Variants in TSPAN15 observed in about 807,000 individuals in gnomAD.
The protein encoded by TSPAN15 is tetraspanin 15.
TSPAN15 carries 20 observed loss-of-function variants against 34.5 expected under a neutral mutation model. The ratio of observed to expected loss-of-function variants is 0.58; its 90% CI spans 0.41 to 0.84. The LOEUF is 0.84. Among genes scored for constraint, TSPAN15 ranks in the 40% least tolerant of loss-of-function variants. TSPAN15 has a pLI of 0.00. For missense variants in TSPAN15, 313 were observed against 386.1 expected, an observed-to-expected ratio of 0.81 and a Z score of 1.59; for synonymous variants, 155 against 153.9, an observed-to-expected ratio of 1.01 and a Z score of -0.05.
At chr10:69,462,529 G>GT (rs1322266967) in intron 1 of TSPAN15, among the ~76,000 whole-genome samples, 1 of 151,202 alleles carries the variant, frequency 6.6e-6, no homozygotes, top group African/African-American at 2.4e-5. Context: ...TAGAGACAGG[G>GT]TTTCACCATG....
Position 69,507,352 on chromosome 10 carries a change from G to T in TSPAN15, c.*374G>T. ...GCAGTTTTGTAGCACCTGTAATTGG[G>T]GAGAGGGAGTGTGCCCCTCGGGGCA... On this transcript the variant is annotated 3_prime_UTR_variant, in exon 8 of 8. Transcript: ENST00000373290. 8.3e-7 allele frequency: 1 copy of T among 1,212,098 alleles called. No homozygotes were observed. 75.1% of individuals were successfully genotyped at this position (1,212,098 alleles called of 1,614,324 possible). A position where few individuals can be genotyped will look rare whatever the true frequency, so the allele number is the denominator to read the frequency against.
chr10:69,492,884 G>C (rs1841997947), intron 3 of TSPAN15, among the ~76,000 whole-genome samples: 2 of 152,208 alleles, frequency 1.3e-5, no homozygotes, highest in South Asian at 4.1e-4. Context: ...GAGGGACATG[G>C]TGGGCCAGGA....
chr10:69,523,137 T>C, the TSPAN15 span, among the ~76,000 whole-genome samples: 1 of 148,196 alleles, frequency 6.7e-6, no homozygotes, highest in African/African-American at 2.5e-5. Context: ...TCTTTGCATG[T>C]GGATATCCAG....
At chr10:69,538,102 A>G in the TSPAN15 span, among the ~76,000 whole-genome samples, 1 of 152,134 alleles carries the variant, frequency 6.6e-6, no homozygotes, top group South Asian at 2.1e-4. Flanking sequence ...CCCCACCTTC[A>G]TGACCTCATC....
chr10:69,470,356 A>G (rs17569363), intron 1 of TSPAN15, among the ~76,000 whole-genome samples: 58,678 of 152,148 alleles, frequency 0.39, 12,017 homozygotes, highest in Non-Finnish European at 0.45. Context: ...TGATGAACAC[A>G]TAGGCTGATG....
chr10:69,457,322 T>C (rs1841134357), intron 1 of TSPAN15, among the ~76,000 whole-genome samples: 1 of 152,138 alleles, frequency 6.6e-6, no homozygotes, highest in African/African-American at 2.4e-5. Flanking sequence ...AGGATCCAGC[T>C]TGGGGCAGAG....
Position 69,506,308 on chromosome 10 carries a change from G to A in TSPAN15, c.735+68G>A. On this transcript the variant is annotated intron_variant, in intron 7 of 7. Coordinates refer to ENST00000373290, the MANE Select transcript of TSPAN15 (RefSeq NM_012339.5). This position sits in a 1 kb window ranked among gnomAD's most constrained non-coding sequence, Gnocchi z 4.7. Reference sequence around the variant, plus strand: ...GCAGAAGGGCAGAGAAGGTGCAGAGGGGAAGAGCGAAGAGGCTTTTTTCAT... The same window carrying A: ...GCAGAAGGGCAGAGAAGGTGCAGAGAGGAAGAGCGAAGAGGCTTTTTTCAT... The A allele has an allele frequency of 2.7e-6, 4 of 1,486,392 alleles. No homozygotes were observed. The highest frequency in any genetic ancestry group is 3.7e-6 in the Non-Finnish European group (4 of 1,067,922). 92.1% of individuals were successfully genotyped at this position (1,486,392 alleles called of 1,614,324 possible). A position where few individuals can be genotyped will look rare whatever the true frequency, so the allele number is the denominator to read the frequency against.
chr10:69,476,041 A>G (rs1401972490), intron 1 of TSPAN15, among the ~76,000 whole-genome samples: 1 of 152,174 alleles, frequency 6.6e-6, no homozygotes, highest in Non-Finnish European at 1.5e-5. Context: ...ATTTCTCCCC[A>G]AACGGATCTA....
chr10:69,540,110 C>T, the TSPAN15 span, among the ~76,000 whole-genome samples: 6 of 152,090 alleles, frequency 3.9e-5, no homozygotes, highest in East Asian at 2.0e-4. Context: ...AGGCTGGTCT[C>T]GAACTCCTGA....
intron 1 of TSPAN15, among the ~76,000 whole-genome samples, chr10:69,475,595 C>G (rs1841598515): frequency 2.0e-5 from 3 of 152,220 alleles, no homozygotes; most frequent in Admixed American, 6.5e-5. Flanking sequence ...AAATTCCACT[C>G]TCTGCCCTGG....
intron 3 of TSPAN15, among the ~76,000 whole-genome samples, chr10:69,486,357 C>G (rs1712592724): frequency 6.6e-6 from 1 of 152,252 alleles, no homozygotes; most frequent in African/African-American, 2.4e-5. Context: ...CTACCCCAGA[C>G]AGCTTGGTCC....
At chr10:69,516,256 G>A in the TSPAN15 span, among the ~76,000 whole-genome samples, 1 of 152,218 alleles carries the variant, frequency 6.6e-6, no homozygotes, top group South Asian at 2.1e-4. Flanking sequence ...TAAGGACATA[G>A]GGGCTTAGAG....
At chr10:69,520,910 A>G in the TSPAN15 span, among the ~76,000 whole-genome samples, 3 of 152,042 alleles carry the variant, frequency 2.0e-5, no homozygotes, top group Non-Finnish European at 4.4e-5. Flanking sequence ...TGTTTTCCAT[A>G]GTGGTTGCAC....
At chr10:69,477,454 T>G (rs542924359) in intron 1 of TSPAN15, among the ~76,000 whole-genome samples, 1 of 152,208 alleles carries the variant, frequency 6.6e-6, no homozygotes, top group East Asian at 1.9e-4. Context: ...GAAAGGAACC[T>G]TGTAGGAGTG....
chr10:69,485,330 A>G, intron 3 of TSPAN15, 115 bp downstream of exon 3: 1 of 883,510 alleles, frequency 1.1e-6, no homozygotes. Context: ...TGGAGCTTTC[A>G]TTCTGCTGAA....
chr10:69,544,177 A>T, the TSPAN15 span, among the ~76,000 whole-genome samples: 1 of 152,098 alleles, frequency 6.6e-6, no homozygotes, highest in Non-Finnish European at 1.5e-5. Context: ...AAGGCCCATT[A>T]TACACTTTTT....
intron 1 of TSPAN15, among the ~76,000 whole-genome samples, chr10:69,475,201 C>A (rs372974891): frequency 1.3e-5 from 2 of 152,118 alleles, no homozygotes; most frequent in South Asian, 4.1e-4. Context: ...TGTGGTTCTC[C>A]GATTAACCAT....
intron 1 of TSPAN15, among the ~76,000 whole-genome samples, chr10:69,453,064 A>T (rs1057334367): frequency 2.0e-5 from 3 of 152,156 alleles, no homozygotes; most frequent in African/African-American, 4.8e-5. Flanking sequence ...TGACTTTTCC[A>T]TCTAGAAGAC....
At chr10:69,545,215 G>C in the TSPAN15 span, among the ~76,000 whole-genome samples, 1 of 152,210 alleles carries the variant, frequency 6.6e-6, no homozygotes, top group East Asian at 1.9e-4. Context: ...AAGTGGGAAG[G>C]CTGAGGGAGG....
Sources: allele counts gnomAD v4.1 joint callset (sites outside exome capture counted in the v4.1 genomes callset), GRCh38; gene constraint gnomAD v4.1.1; non-coding constraint Gnocchi (gnomAD v3.1); transcripts MANE v1.5; gene names NCBI Gene and HGNC (gene_info 2026-07-23, HGNC 2026-07-21).